Variants in GRIN2B observed in about 807,000 individuals in gnomAD.
The protein encoded by GRIN2B is glutamate receptor ionotropic, NMDA 2B.
In GRIN2B, 5 loss-of-function variants were observed where a neutral mutation model predicts 114.5. The observed-to-expected ratio is 0.04, with a 90% confidence interval of 0.02 to 0.09. The LOEUF is 0.09. Ranked by LOEUF, GRIN2B falls within the 10% of genes least tolerant of loss-of-function variation. GRIN2B has a pLI of 1.00. For synonymous variants in GRIN2B, 787 were observed against 745.1 expected (o/e 1.06, Z -0.92); for missense variants, 1,108 against 1,943.5 (o/e 0.57, Z 8.08).
rs2300264 is a variant in GRIN2B at position 13,768,003 on chromosome 12, G to A, written c.412-14088C>T. Among the ~76,000 whole-genome samples the A allele has an allele frequency of 1.1e-4, 17 of 152,232 alleles. No homozygotes were observed. In the East Asian group the frequency reaches 3.3e-3, roughly 29 times the overall value. ...AGATTCCCCTCTCTGTTCCTTCACA[G>A]AAAGGCAAAGTTTCACCACAATAAA... On this transcript the variant is annotated intron_variant, in intron 3 of 13. Coordinates refer to ENST00000609686, the MANE Select transcript of GRIN2B (RefSeq NM_000834.5).
At chr12:13,734,586 A>G (rs183650372) in intron 4 of GRIN2B, among the ~76,000 whole-genome samples, 61 of 152,292 alleles carry the variant, frequency 4.0e-4, no homozygotes, top group Middle Eastern at 3.4e-3. Context: ...CACAAACCCC[A>G]CCTTTTATTT....
At chr12:13,760,081 G>A (rs1019052725) in intron 3 of GRIN2B, among the ~76,000 whole-genome samples, 1 of 152,200 alleles carries the variant, frequency 6.6e-6, no homozygotes, top group Non-Finnish European at 1.5e-5. Context: ...GCTGAAGCCT[G>A]TCCTCACTTT....
chr12:13,582,165 T>TG (rs1318861941), intron 10 of GRIN2B, among the ~76,000 whole-genome samples: 1 of 152,204 alleles, frequency 6.6e-6, no homozygotes, highest in South Asian at 2.1e-4. Flanking sequence ...TAAAACAAAC[T>TG]GGCTGTGGAT....
chr12:13,793,830 A>G (rs528178015), intron 3 of GRIN2B, among the ~76,000 whole-genome samples: 6 of 152,208 alleles, frequency 3.9e-5, no homozygotes, highest in Admixed American at 3.9e-4. Context: ...TCAAAATCAG[A>G]CTTTTTGGAA....
At chr12:13,804,157 CTTTT>C (rs10626018) in intron 3 of GRIN2B, among the ~76,000 whole-genome samples, 4 of 143,458 alleles carry the variant, frequency 2.8e-5, no homozygotes, top group South Asian at 2.2e-4. Flanking sequence ...CTGCAGCTCT[CTTTT>C]TTTTTTTTGT....
chr12:13,694,676 TATATATATATA>T, intron 4 of GRIN2B, among the ~76,000 whole-genome samples: 1 of 98,988 alleles, frequency 1.0e-5, no homozygotes, highest in East Asian at 3.9e-4. Context: ...TATATATATA[TATATATATATA>T]TATATATATA....
At position 13,556,836 on chromosome 12, in the gene GRIN2B, T is replaced by C. The variant is rs550107214; in HGVS notation, c.*5947A>G. 6.6e-6 allele frequency: 1 copy of C among 152,352 alleles called. No individual in the cohort carries two copies. The highest frequency in any genetic ancestry group is 1.9e-4 in the East Asian group (1 of 5,190). 9.4% of individuals were successfully genotyped at this position (152,352 alleles called of 1,614,324 possible). On this transcript the variant is annotated 3_prime_UTR_variant, in exon 14 of 14. Transcript: ENST00000609686. ...GCATGAAGCAGCTCCAGAAACTCAC[T>C]GTACAGAGCTCTTGAGAGATGTAGA... is the stretch of plus-strand genomic sequence containing the variant.
intron 3 of GRIN2B, among the ~76,000 whole-genome samples, chr12:13,806,440 A>G (rs1864601861): frequency 6.6e-6 from 1 of 152,252 alleles, no homozygotes; most frequent in Non-Finnish European, 1.5e-5. Context: ...GTGATATCAC[A>G]TTGTGATTCT....
chr12:13,791,646 A>G (rs1334719109), intron 3 of GRIN2B, among the ~76,000 whole-genome samples: 2 of 152,066 alleles, frequency 1.3e-5, no homozygotes, highest in East Asian at 1.9e-4. Flanking sequence ...CACTTTCTCA[A>G]TAGCCTTATG....
At chr12:13,853,728 C>A (rs1430946573) in intron 3 of GRIN2B, among the ~76,000 whole-genome samples, 1 of 152,154 alleles carries the variant, frequency 6.6e-6, no homozygotes, top group Non-Finnish European at 1.5e-5. Flanking sequence ...GAGCTAGCAG[C>A]CCAGAGAGAC....
intron 10 of GRIN2B, among the ~76,000 whole-genome samples, chr12:13,573,642 T>C (rs1026834232): frequency 1.3e-5 from 2 of 152,236 alleles, no homozygotes; most frequent in Admixed American, 6.5e-5. Context: ...AATGAAGATA[T>C]TTGAAGTCCT....
intron 4 of GRIN2B, among the ~76,000 whole-genome samples, chr12:13,717,271 A>T (rs1950464307): frequency 6.6e-6 from 1 of 151,934 alleles, no homozygotes; most frequent in Non-Finnish European, 1.5e-5. Flanking sequence ...TCTAAAATAT[A>T]CTGCAGCTCA....
intron 4 of GRIN2B, among the ~76,000 whole-genome samples, chr12:13,711,511 T>G (rs1029482646): frequency 1.3e-5 from 2 of 151,946 alleles, no homozygotes; most frequent in African/African-American, 4.8e-5. Context: ...GAATCTACAA[T>G]GAACTCCAAC....
chr12:13,960,278 G>A (rs756400115), intron 2 of GRIN2B, among the ~76,000 whole-genome samples: 1 of 152,082 alleles, frequency 6.6e-6, no homozygotes, highest in African/African-American at 2.4e-5. Context: ...TCCTCTATAG[G>A]TATTAATGTA....
At chr12:13,909,621 A>G (rs929770501) in intron 2 of GRIN2B, among the ~76,000 whole-genome samples, 2 of 152,236 alleles carry the variant, frequency 1.3e-5, no homozygotes, top group African/African-American at 4.8e-5. Flanking sequence ...GATTGCATCC[A>G]GCGGCCTGAC....
intron 2 of GRIN2B, among the ~76,000 whole-genome samples, chr12:13,974,058 C>T (rs1175856729): frequency 1.3e-5 from 2 of 152,180 alleles, no homozygotes; most frequent in Non-Finnish European, 2.9e-5. Context: ...GATCCCTCTT[C>T]ATCCATCACT....
In GRIN2B at chr12:13,547,981, A is replaced by ATATATTT; in HGVS notation, c.*14801_*14802insAAATATA. On this transcript the variant is annotated 3_prime_UTR_variant, in exon 14 of 14. Coordinates refer to ENST00000609686, the MANE Select transcript of GRIN2B (RefSeq NM_000834.5). Reference sequence around the variant, plus strand: ...TGTGTATATATATATATATATATATATTTTTTTTTTTTTTCTGAAAGCTAC... The same window carrying ATATATTT: ...TGTGTATATATATATATATATATATATATATTTTTTTTTTTTTTTTTCTGAAAGCTAC... The ATATATTT allele has an allele frequency of 7.6e-4, 52 of 68,588 alleles. 1 individual carries two copies. The highest frequency in any genetic ancestry group is 1.6e-3 in the African/African-American group (35 of 21,780). 4.2% of individuals were successfully genotyped at this position (68,588 alleles called of 1,614,324 possible). A position where few individuals can be genotyped will look rare whatever the true frequency, so the allele number is the denominator to read the frequency against.
At chr12:13,779,242 C>T (rs1864061848) in intron 3 of GRIN2B, among the ~76,000 whole-genome samples, 1 of 152,102 alleles carries the variant, frequency 6.6e-6, no homozygotes, top group Admixed American at 6.6e-5. Flanking sequence ...CGGAGTTTCA[C>T]CACGTTGTCC....
At chr12:13,727,620 A>G (rs745725709) in intron 4 of GRIN2B, among the ~76,000 whole-genome samples, 1 of 152,162 alleles carries the variant, frequency 6.6e-6, no homozygotes, top group Non-Finnish European at 1.5e-5. Flanking sequence ...AACAATGATG[A>G]TGATTAGTCC....
Sources: gnomAD v4.1 joint callset for allele counts (sites outside exome capture counted in the v4.1 genomes callset) on GRCh38, gnomAD v4.1.1 for gene constraint, MANE v1.5 for transcripts, NCBI Gene and HGNC (gene_info 2026-07-23, HGNC 2026-07-21) for gene names.